The following ARHGAP24 variants were observed in gnomAD, a reference collection of about 807,000 sequenced individuals.
ARHGAP24 encodes rho GTPase-activating protein 24.
ARHGAP24 carries 50 observed loss-of-function variants against 76.4 expected under a neutral mutation model. The observed-to-expected ratio is 0.65, with a 90% CI of 0.52 to 0.83. ARHGAP24 has a LOEUF of 0.83. Among genes scored for constraint, ARHGAP24 ranks in the 40% least tolerant of loss-of-function variants. The pLI, the probability that ARHGAP24 is intolerant of heterozygous loss-of-function variation, is 0.00. For synonymous variants in ARHGAP24, 345 were observed against 323.3 expected (o/e 1.07, Z -0.72); for missense variants, 930 against 914.2 (o/e 1.02, Z -0.22).
chr4:85,866,054 T>G (rs1183150205), intron 3 of ARHGAP24, among the ~76,000 whole-genome samples: 1 of 152,178 alleles, frequency 6.6e-6, no homozygotes, highest in Non-Finnish European at 1.5e-5. Context: ...AATGAGATTG[T>G]CTGAGATTCT....
At chr4:85,918,610 T>A (rs1735546790) in intron 3 of ARHGAP24, among the ~76,000 whole-genome samples, 1 of 152,250 alleles carries the variant, frequency 6.6e-6, no homozygotes, top group South Asian at 2.1e-4. Context: ...CATTTCTTAG[T>A]CTATTAAATC....
chr4:85,832,360 G>A (rs79920822), intron 3 of ARHGAP24, among the ~76,000 whole-genome samples: 2,695 of 152,236 alleles, frequency 0.018, 84 homozygotes, highest in African/African-American at 0.062. Context: ...CTCTGGATTC[G>A]TTGGTTTGCA....
intron 2 of ARHGAP24, among the ~76,000 whole-genome samples, chr4:85,635,631 C>T (rs1721287849): frequency 6.6e-6 from 1 of 151,744 alleles, no homozygotes; most frequent in African/African-American, 2.4e-5. Flanking sequence ...GGTGAAGTGG[C>T]CTTCATTGCA....
intron 3 of ARHGAP24, among the ~76,000 whole-genome samples, chr4:85,734,636 ATTT>A (rs34647342): frequency 9.8e-6 from 1 of 101,954 alleles, no homozygotes; most frequent in African/African-American, 3.5e-5. Context: ...AATTCAGGGA[ATTT>A]TTTTTTTTTT....
At chr4:85,980,799 G>C (rs141058228) in intron 8 of ARHGAP24, among the ~76,000 whole-genome samples, 2 of 152,266 alleles carry the variant, frequency 1.3e-5, no homozygotes, top group Admixed American at 6.5e-5. Flanking sequence ...TATTTTCATA[G>C]TAATATGAAG....
chr4:85,700,795 A>G (rs529708725), intron 2 of ARHGAP24, among the ~76,000 whole-genome samples: 11 of 152,358 alleles, frequency 7.2e-5, no homozygotes, highest in African/African-American at 2.6e-4. Context: ...GACATGGTGA[A>G]TGTAAGATAT....
At chr4:85,509,749 A>G (rs577215159) in intron 1 of ARHGAP24, among the ~76,000 whole-genome samples, 1 of 152,160 alleles carries the variant, frequency 6.6e-6, no homozygotes, top group East Asian at 1.9e-4. Flanking sequence ...TATATTGAAG[A>G]ATGATTTCAC....
chr4:85,639,119 G>A (rs879649668), intron 2 of ARHGAP24, among the ~76,000 whole-genome samples: 1 of 151,972 alleles, frequency 6.6e-6, no homozygotes, highest in African/African-American at 2.4e-5. Flanking sequence ...TCCCCAAATT[G>A]TCCTAAGATT....
rs185428767 is a variant in ARHGAP24, at chr4:85,898,595, C to T, written c.269-25053C>T. ...GGCTGTGAGCATGAGTTAAGACTGA[C>T]GCACTTTCAAACAACATTTAACCAG... On this transcript the variant is annotated intron_variant, in intron 3 of 9. Coordinates refer to ENST00000395184, the MANE Select transcript of ARHGAP24 (RefSeq NM_001025616.3). Among the ~76,000 whole-genome samples, 481 of 152,286 alleles carry T rather than the reference C, an allele frequency of 3.2e-3. 4 individuals are homozygous for T. The Middle Eastern group carries it at 0.058, about 18-fold the overall frequency.
At chr4:85,623,309 AC>A (rs1227528935) in intron 2 of ARHGAP24, among the ~76,000 whole-genome samples, 3 of 152,140 alleles carry the variant, frequency 2.0e-5, no homozygotes, top group African/African-American at 7.2e-5. Flanking sequence ...TCAGCTTTCT[AC>A]ATATGGCTAG....
chr4:85,817,911 A>T (rs1012366942), intron 3 of ARHGAP24, among the ~76,000 whole-genome samples: 6 of 152,212 alleles, frequency 3.9e-5, no homozygotes, highest in Admixed American at 6.5e-5. Flanking sequence ...AAATGTTATA[A>T]TATTGACCAC....
rs184244697 is a variant in ARHGAP24, at chr4:85,505,429, C to T, written c.-21+29870C>T. Among the ~76,000 whole-genome samples the T allele has an allele frequency of 1.4e-3, 213 of 152,230 alleles. 1 individual carries two copies. The highest frequency in any genetic ancestry group is 5.0e-3 in the African/African-American group (208 of 41,526). On this transcript the variant is annotated intron_variant, in intron 1 of 9. Transcript: ENST00000395184. Reference sequence around the variant, plus strand: ...GAGGCATTGTTTGTTTCTTTTTACTCTTTTTTCTCTAAACTTGTCTTCTCA... The same window carrying T: ...GAGGCATTGTTTGTTTCTTTTTACTTTTTTTTCTCTAAACTTGTCTTCTCA...
At chr4:85,959,496 A>G (rs757691392) in intron 5 of ARHGAP24, among the ~76,000 whole-genome samples, 3 of 152,322 alleles carry the variant, frequency 2.0e-5, no homozygotes, top group East Asian at 1.9e-4. Flanking sequence ...TATGGTTCAC[A>G]TGCCTCTGAC....
chr4:85,631,201 G>A (rs768631225), intron 2 of ARHGAP24, among the ~76,000 whole-genome samples: 14 of 152,078 alleles, frequency 9.2e-5, no homozygotes, highest in Middle Eastern at 3.4e-3. Context: ...CTTTTGTATC[G>A]AAAGATAAAA....
chr4:85,842,926 GA>G (rs1730688043), intron 3 of ARHGAP24, among the ~76,000 whole-genome samples: 1 of 152,122 alleles, frequency 6.6e-6, no homozygotes, highest in Non-Finnish European at 1.5e-5. Flanking sequence ...GAGACTTAGC[GA>G]GGTCAATTAA....
intron 2 of ARHGAP24, among the ~76,000 whole-genome samples, chr4:85,639,418 C>T (rs569737328): frequency 8.2e-4 from 125 of 152,064 alleles, no homozygotes; most frequent in African/African-American, 2.9e-3. Flanking sequence ...CAAAGGCACC[C>T]GATCTAAATC....
At chr4:85,520,556 TG>T (rs1216840810) in intron 1 of ARHGAP24, among the ~76,000 whole-genome samples, 1 of 152,054 alleles carries the variant, frequency 6.6e-6, no homozygotes, top group African/African-American at 2.4e-5. Context: ...TGGGCAATGA[TG>T]GGGGGAAGGA....
At chr4:85,588,816 A>G (rs1236646123) in intron 2 of ARHGAP24, among the ~76,000 whole-genome samples, 1 of 152,246 alleles carries the variant, frequency 6.6e-6, no homozygotes, top group African/African-American at 2.4e-5. Context: ...AAAGTTTCTA[A>G]CATGCATAGG....
intron 3 of ARHGAP24, among the ~76,000 whole-genome samples, chr4:85,770,744 A>C (rs1376012434): frequency 6.6e-6 from 1 of 152,204 alleles, no homozygotes; most frequent in Non-Finnish European, 1.5e-5. Context: ...GACAGAACCA[A>C]GTTTGGAAAC....
Sources: allele counts gnomAD v4.1 joint callset (sites outside exome capture counted in the v4.1 genomes callset), GRCh38; gene constraint gnomAD v4.1.1; transcripts MANE v1.5; gene names NCBI Gene and HGNC (gene_info 2026-07-23, HGNC 2026-07-21).